The following PTPRN2 variants were observed in gnomAD, a reference collection of about 807,000 sequenced individuals.
The protein encoded by PTPRN2 is protein tyrosine phosphatase receptor type N2, also known as receptor-type tyrosine-protein phosphatase N2.
PTPRN2 carries 74 observed loss-of-function variants against 118.8 expected under a neutral mutation model. The observed-to-expected ratio is 0.62, with a 90% CI of 0.52 to 0.76. The LOEUF (loss-of-function observed/expected upper bound fraction) is 0.76. PTPRN2 is among the 30% of genes least tolerant of loss of function. The pLI, the probability that PTPRN2 is intolerant of heterozygous loss-of-function variation, is 0.00. For synonymous variants in PTPRN2, 641 were observed against 608.0 expected, an observed-to-expected ratio of 1.05 and a Z score of -0.80; for missense variants, 1,481 against 1,394.4, an observed-to-expected ratio of 1.06 and a Z score of -0.99.
At chr7:158,583,844 G>C (rs1312145251) in intron 1 of PTPRN2, among the ~76,000 whole-genome samples, 2 of 152,148 alleles carry the variant, frequency 1.3e-5, no homozygotes, top group African/African-American at 4.8e-5. Flanking sequence ...TTGGGGGAAG[G>C]GACAGGTTGC....
At position 157,598,033 on chromosome 7, in the gene PTPRN2, C is replaced by T. The variant is rs765173154; in HGVS notation, c.2419-2718G>A. Among the ~76,000 whole-genome samples the T allele has an allele frequency of 4.6e-5, 7 of 152,208 alleles. No homozygotes were observed. Among genetic ancestry groups the T allele is most frequent in the Non-Finnish European group, 1.0e-4 (7 of 68,044 alleles). ...TCTCACGCAGGCTTCGAGGAAAAGT[C>T]AAGCAAATACTTAACTGGCCACACA... On this transcript the variant is annotated intron_variant, in intron 16 of 22. Coordinates refer to ENST00000389418, the MANE Select transcript of PTPRN2 (RefSeq NM_002847.5). The surrounding 1 kb of genome is among the most constrained non-coding windows in gnomAD (Gnocchi z 5.2).
intron 1 of PTPRN2, among the ~76,000 whole-genome samples, chr7:158,516,645 C>T (rs1210986852): frequency 6.0e-5 from 8 of 132,986 alleles, no homozygotes; most frequent in African/African-American, 5.7e-5. Flanking sequence ...TCTTGGTGCT[C>T]CTGCCTATTG....
chr7:157,544,274 G>A (rs143068753), intron 22 of PTPRN2, among the ~76,000 whole-genome samples: 23 of 152,334 alleles, frequency 1.5e-4, no homozygotes, highest in South Asian at 2.1e-4. Context: ...ATGTGTGAGC[G>A]TGGACTGCGC....
At chr7:158,431,362 GACCAGGCACAC>G (rs1053596821) in intron 2 of PTPRN2, among the ~76,000 whole-genome samples, 10 of 136,896 alleles carry the variant, frequency 7.3e-5, no homozygotes, top group Admixed American at 7.4e-5. Flanking sequence ...ACTGGGCTTA[GACCAGGCACAC>G]ACCAGGCACA....
At chr7:157,949,030 A>G (rs1563265681) in intron 11 of PTPRN2, among the ~76,000 whole-genome samples, 2 of 152,198 alleles carry the variant, frequency 1.3e-5, no homozygotes, top group Non-Finnish European at 2.9e-5. Context: ...ATTTTGGTAC[A>G]CATTGCAGGG....
chr7:157,771,726 G>C (rs1284276964), intron 12 of PTPRN2, among the ~76,000 whole-genome samples: 2 of 150,260 alleles, frequency 1.3e-5, no homozygotes, highest in Admixed American at 1.3e-4. Flanking sequence ...AACACACACA[G>C]ACGCACAAAC....
At chr7:158,569,854 T>C (rs958477631) in intron 1 of PTPRN2, among the ~76,000 whole-genome samples, 15 of 135,308 alleles carry the variant, frequency 1.1e-4, no homozygotes, top group African/African-American at 3.6e-4. Context: ...CGAGGCCGCC[T>C]GACTGACAGG....
chr7:157,926,711 A>ATGCTGCTC (rs1167376698), intron 11 of PTPRN2, among the ~76,000 whole-genome samples: 2 of 152,108 alleles, frequency 1.3e-5, no homozygotes, highest in Non-Finnish European at 2.9e-5. Context: ...ACCCTGTAAA[A>ATGCTGCTC]TGCTGCTCCT....
chr7:157,844,346 C>T (rs1185144056), intron 12 of PTPRN2, among the ~76,000 whole-genome samples: 1 of 152,258 alleles, frequency 6.6e-6, no homozygotes, highest in East Asian at 1.9e-4. Flanking sequence ...CCCCAGCCTG[C>T]ACCCTCCAGG....
intron 12 of PTPRN2, among the ~76,000 whole-genome samples, chr7:157,716,986 C>G (rs1287311055): frequency 2.0e-5 from 2 of 98,294 alleles, no homozygotes; most frequent in Non-Finnish European, 4.0e-5. Flanking sequence ...TGAGGGAACA[C>G]TGCCTGGCCA....
chr7:157,654,769 T>C (rs781006017), intron 14 of PTPRN2, among the ~76,000 whole-genome samples: 7 of 152,166 alleles, frequency 4.6e-5, no homozygotes, highest in Non-Finnish European at 8.8e-5. Context: ...CAGGTACCAA[T>C]AGAGCTTGAG....
intron 12 of PTPRN2, among the ~76,000 whole-genome samples, chr7:157,838,999 C>T (rs970263705): frequency 2.3e-4 from 34 of 146,824 alleles, no homozygotes; most frequent in African/African-American, 3.4e-4. Context: ...TCCTCTCCAC[C>T]GTGGCTACTC....
intron 3 of PTPRN2, among the ~76,000 whole-genome samples, chr7:158,280,673 C>T (rs970531692): frequency 2.0e-5 from 3 of 152,162 alleles, no homozygotes; most frequent in South Asian, 2.1e-4. Context: ...GAGACGCGGC[C>T]GTGGAGTTTC....
At chr7:157,743,095 T>C (rs1431011545) in intron 12 of PTPRN2, among the ~76,000 whole-genome samples, 1 of 152,224 alleles carries the variant, frequency 6.6e-6, no homozygotes, top group Non-Finnish European at 1.5e-5. Context: ...GGAGAGAACC[T>C]TGTAATGAAC....
At chr7:158,386,490 C>G (rs1308018799) in intron 2 of PTPRN2, among the ~76,000 whole-genome samples, 1 of 152,098 alleles carries the variant, frequency 6.6e-6, no homozygotes, top group Admixed American at 6.6e-5. Flanking sequence ...TCATCCAATT[C>G]CCCTCGGGAC....
At chr7:157,840,660 G>C (rs1419554184) in intron 12 of PTPRN2, among the ~76,000 whole-genome samples, 2 of 152,212 alleles carry the variant, frequency 1.3e-5, no homozygotes, top group Non-Finnish European at 2.9e-5. Context: ...CTGGATTCTG[G>C]ACAGTGGATG....
intron 12 of PTPRN2, among the ~76,000 whole-genome samples, chr7:157,721,358 G>A (rs966849620): frequency 6.6e-6 from 1 of 152,194 alleles, no homozygotes. Flanking sequence ...TGCCATGTTC[G>A]CATCATGAGC....
At chr7:158,129,649 G>T (rs56299768) in intron 9 of PTPRN2, among the ~76,000 whole-genome samples, 8 of 152,092 alleles carry the variant, frequency 5.3e-5, no homozygotes, top group Admixed American at 2.0e-4. Context: ...TGTTTCCTAG[G>T]GAGGGAGACG....
chr7:158,441,062 G>A (rs1365015240), intron 2 of PTPRN2, among the ~76,000 whole-genome samples: 1 of 50,788 alleles, frequency 2.0e-5, no homozygotes, highest in African/African-American at 5.6e-5. Context: ...TAGTGATGGG[G>A]GTGGTAGTGA....
Sources: allele counts gnomAD v4.1 joint callset (sites outside exome capture counted in the v4.1 genomes callset), GRCh38; gene constraint gnomAD v4.1.1; non-coding constraint Gnocchi (gnomAD v3.1); transcripts MANE v1.5; gene names NCBI Gene and HGNC (gene_info 2026-07-23, HGNC 2026-07-21).